Variants in LMF1 observed in about 807,000 individuals in gnomAD.
The protein encoded by LMF1 is transmembrane protein 112.
A neutral mutation model predicts 60.6 loss-of-function variants in LMF1; 68 were observed. The observed-to-expected ratio is 1.12, with a 90% CI of 0.92 to 1.37. The LOEUF is 1.37. Among genes scored for constraint, LMF1 ranks in the 40% most tolerant of loss-of-function variants. The pLI, the probability that LMF1 is intolerant of heterozygous loss-of-function variation, is 0.00. For synonymous variants in LMF1, 418 were observed against 324.7 expected (o/e 1.29, Z -3.09); for missense variants, 948 against 767.2 (o/e 1.24, Z -2.78).
Position 871,095 on chromosome 16 carries a change from C to T in LMF1, c.1078+66G>A. Reference sequence around the variant, plus strand: ...GGCGTCCCCAACCCACACGGGCAGGCTGTGGGGCTGGCACCACCCGACTTT... The same window carrying T: ...GGCGTCCCCAACCCACACGGGCAGGTTGTGGGGCTGGCACCACCCGACTTT... On this transcript the variant is annotated intron_variant, in intron 7 of 10. Coordinates refer to ENST00000262301, the MANE Select transcript of LMF1 (RefSeq NM_022773.4). The T allele has an allele frequency of 2.7e-6, 4 of 1,472,138 alleles. No individual in the cohort carries two copies. The South Asian group carries it at 5.5e-5, about 20-fold the overall frequency. The allele number at this position is 1,472,138 out of a possible 1,614,324, so 91.2% of individuals were successfully genotyped here.
intron 10 of LMF1, among the ~76,000 whole-genome samples, chr16:863,168 A>G (rs1485629002): frequency 2.6e-5 from 4 of 152,156 alleles, no homozygotes; most frequent in African/African-American, 9.7e-5. Flanking sequence ...CTGTAGTGAT[A>G]TCTCTTTTTC....
rs918323658 is a variant in LMF1 at position 878,525 on chromosome 16, C to T, written c.897+1045G>A. 6.6e-5 allele frequency among the ~76,000 whole-genome samples: 10 copies of T among 152,332 alleles called. 1 individual carries two copies. The highest frequency in any genetic ancestry group is 2.4e-4 in the African/African-American group (10 of 41,566). ...ATACATCCACAGGATGACGAGATTG[C>T]ACCTCTGCACGGCAGGCTGTGGTGA... On this transcript the variant is annotated intron_variant, in intron 6 of 10. Transcript: ENST00000262301. This position sits in a 1 kb window ranked among gnomAD's most constrained non-coding sequence, Gnocchi z 5.2.
At chr16:896,921 C>T (rs902904984) in intron 4 of LMF1, among the ~76,000 whole-genome samples, 2 of 152,014 alleles carry the variant, frequency 1.3e-5, no homozygotes, top group African/African-American at 2.4e-5. Context: ...AGATTTTCCA[C>T]GGATTTTTTT....
At chr16:915,159 C>A (rs1267774859) in intron 3 of LMF1, among the ~76,000 whole-genome samples, 1 of 152,218 alleles carries the variant, frequency 6.6e-6, no homozygotes, top group African/African-American at 2.4e-5. Flanking sequence ...CACCCTAGAT[C>A]CGCCTCTGCA....
chr16:890,504 G>A (rs2070451963), intron 5 of LMF1, among the ~76,000 whole-genome samples: 1 of 152,154 alleles, frequency 6.6e-6, no homozygotes, highest in Non-Finnish European at 1.5e-5. Context: ...CAGGACATCA[G>A]GCTCATGGCT....
At chr16:979,296 C>T (rs1370152750) in intron 1 of LMF1, 3 of 359,628 alleles carry the variant, frequency 8.3e-6, no homozygotes, top group Non-Finnish European at 1.7e-5. Flanking sequence ...TTTGTGGGCA[C>T]CACTCTGCAT....
At chr16:960,056 G>A (rs11861171) in intron 1 of LMF1, among the ~76,000 whole-genome samples, 3,259 of 152,310 alleles carry the variant, frequency 0.021, 115 homozygotes, top group African/African-American at 0.071. Context: ...AAGAGGGCCA[G>A]CAGCTGTGAC....
intron 3 of LMF1, among the ~76,000 whole-genome samples, chr16:925,555 C>A (rs2071568993): frequency 6.6e-6 from 1 of 152,082 alleles, no homozygotes. Flanking sequence ...CATAGCAAGA[C>A]CCTGTCACTA....
chr16:909,298 C>G (rs1359175013), intron 4 of LMF1, among the ~76,000 whole-genome samples: 16 of 152,050 alleles, frequency 1.1e-4, no homozygotes, highest in Admixed American at 1.0e-3. Flanking sequence ...GGACAGAGCC[C>G]CGAGCTGAAC....
At chr16:869,727 C>T (rs923706052) in intron 9 of LMF1, among the ~76,000 whole-genome samples, 156 bp downstream of exon 9, 1 of 152,154 alleles carries the variant, frequency 6.6e-6, no homozygotes, top group African/African-American at 2.4e-5. Context: ...GCCTGGATGT[C>T]GTGTGGGCTC....
At chr16:893,702 G>A (rs549423067) in intron 4 of LMF1, among the ~76,000 whole-genome samples, 3 of 152,146 alleles carry the variant, frequency 2.0e-5, no homozygotes, top group African/African-American at 7.2e-5. Context: ...GCAGTGCCAG[G>A]GCCACAGTGA....
At chr16:912,872 G>A (rs952955138) in intron 3 of LMF1, among the ~76,000 whole-genome samples, 13 of 152,234 alleles carry the variant, frequency 8.5e-5, no homozygotes, top group African/African-American at 3.1e-4. Context: ...CGGACAACGC[G>A]TCCCCAGGAA....
At chr16:870,994 C>A in intron 7 of LMF1, 112 bp from the exon 8 acceptor site, 1 of 1,436,228 alleles carries the variant, frequency 7.0e-7, no homozygotes, top group Non-Finnish European at 9.3e-7. Flanking sequence ...GTCCCGGGGA[C>A]GGAGCAGCAC....
At chr16:963,233 G>A (rs544674495) in intron 1 of LMF1, among the ~76,000 whole-genome samples, 4 of 152,126 alleles carry the variant, frequency 2.6e-5, no homozygotes, top group Admixed American at 6.5e-5. Flanking sequence ...ACCACTGGGT[G>A]GAAGGGACCT....
At chr16:978,085 C>G (rs1015963564) in intron 1 of LMF1, among the ~76,000 whole-genome samples, 1 of 116,210 alleles carries the variant, frequency 8.6e-6, no homozygotes, top group African/African-American at 4.3e-5. Context: ...ATACACCACA[C>G]CAAACACACA....
At chr16:916,105 C>G (rs1051184256) in intron 3 of LMF1, among the ~76,000 whole-genome samples, 4 of 152,164 alleles carry the variant, frequency 2.6e-5, no homozygotes, top group Admixed American at 6.5e-5. Flanking sequence ...AAGGAAGAAA[C>G]GTGATTTAAC....
intron 1 of LMF1, among the ~76,000 whole-genome samples, chr16:964,794 G>A (rs562366290): frequency 3.9e-5 from 6 of 152,328 alleles, no homozygotes; most frequent in African/African-American, 1.4e-4. Flanking sequence ...GTCATCTGAC[G>A]AGGATGCCAA....
intron 1 of LMF1, among the ~76,000 whole-genome samples, chr16:970,183 G>T (rs1053235069): frequency 1.3e-5 from 2 of 152,216 alleles, no homozygotes; most frequent in Non-Finnish European, 2.9e-5. Context: ...CTCCAGTCTG[G>T]CCACCAGCCA....
intron 2 of LMF1, among the ~76,000 whole-genome samples, chr16:950,978 C>CAGTCAGCCAATGACAG (rs1340538803): frequency 6.7e-6 from 1 of 149,056 alleles, no homozygotes. Flanking sequence ...CAGCCAACAA[C>CAGTCAGCCAATGACAG]AGTCAGCCAA....
Sources: gnomAD v4.1 joint callset for allele counts (sites outside exome capture counted in the v4.1 genomes callset) on GRCh38, gnomAD v4.1.1 for gene constraint, Gnocchi (gnomAD v3.1) non-coding constraint, MANE v1.5 for transcripts, NCBI Gene and HGNC (gene_info 2026-07-23, HGNC 2026-07-21) for gene names.